FAM47E: variants seen among roughly 807,000 people sequenced by gnomAD.
FAM47E encodes the protein family with sequence similarity 47 member E.
A neutral mutation model predicts 41.6 loss-of-function variants in FAM47E; 32 were observed. The ratio of observed to expected loss-of-function variants is 0.77; its 90% confidence interval spans 0.58 to 1.03. The LOEUF is 1.03. FAM47E is among the 50% of genes least tolerant of loss of function. The pLI is 0.00. For synonymous variants in FAM47E, 184 were observed against 188.7 expected, an observed-to-expected ratio of 0.98 and a Z score of 0.20; for missense variants, 424 against 485.4, an observed-to-expected ratio of 0.87 and a Z score of 1.19.
upstream of FAM47E, chr4:76,251,578 C>T: frequency 1.6e-6 from 2 of 1,282,430 alleles, no homozygotes; most frequent in Non-Finnish European, 2.0e-6. Context: ...GCCAGGTCCA[C>T]GTCCCCAGGC....
chr4:76,220,231 A>G (rs1041318768), intron 2 of FAM47E, among the ~76,000 whole-genome samples: 4 of 152,232 alleles, frequency 2.6e-5, no homozygotes, highest in Admixed American at 1.3e-4. Context: ...AGCATTGTTC[A>G]CAATAGTCAA....
intron 2 of FAM47E, among the ~76,000 whole-genome samples, chr4:76,218,753 G>T (rs890007042): frequency 1.3e-5 from 2 of 152,132 alleles, no homozygotes; most frequent in Admixed American, 1.3e-4. Context: ...AAACACAAGC[G>T]TAGTGTTGTC....
At chr4:76,228,491 A>AT (rs1491129190) in intron 2 of FAM47E, among the ~76,000 whole-genome samples, 1 of 133,688 alleles carries the variant, frequency 7.5e-6, no homozygotes, top group Non-Finnish European at 1.7e-5. Flanking sequence ...AAAAAAAAAA[A>AT]GAAAGAAAGA....
chr4:76,276,563 G>A (rs530337768), intron 5 of FAM47E, among the ~76,000 whole-genome samples: 1 of 146,532 alleles, frequency 6.8e-6, no homozygotes, highest in South Asian at 2.2e-4. Context: ...GTAGAGACAG[G>A]GTTTCACCAG....
chr4:76,267,067 C>T (rs1219455007), intron 3 of FAM47E, among the ~76,000 whole-genome samples: 1 of 152,152 alleles, frequency 6.6e-6, no homozygotes, highest in African/African-American at 2.4e-5. Context: ...TTATAATCAC[C>T]CGGCATATGT....
At chr4:76,267,829 G>T (rs1319534534) in intron 3 of FAM47E, 1 of 152,200 alleles carries the variant, frequency 6.6e-6, no homozygotes, top group East Asian at 1.9e-4. Context: ...GAAATATCCA[G>T]AACAGGCAAA....
chr4:76,260,670 C>G (rs1398295807), intron 2 of FAM47E, among the ~76,000 whole-genome samples: 1 of 152,076 alleles, frequency 6.6e-6, no homozygotes, highest in East Asian at 1.9e-4. Context: ...GAATTTATGA[C>G]TAAGACCTCA....
chr4:76,258,571 A>C (rs556594108), intron 2 of FAM47E, among the ~76,000 whole-genome samples: 2 of 152,330 alleles, frequency 1.3e-5, no homozygotes, highest in Admixed American at 1.3e-4. Flanking sequence ...ATTCCATTCT[A>C]GAGGAAGTAG....
intron 2 of FAM47E, among the ~76,000 whole-genome samples, chr4:76,235,722 C>G (rs1281777029): frequency 6.6e-6 from 1 of 152,228 alleles, no homozygotes; most frequent in Non-Finnish European, 1.5e-5. Flanking sequence ...ACAAAGGAGA[C>G]TCACAAATTC....
At chr4:76,256,569 C>T in intron 2 of FAM47E, 46 bp downstream of exon 2, 1 of 1,481,882 alleles carries the variant, frequency 6.7e-7, no homozygotes, top group East Asian at 2.5e-5. Context: ...TGGGGCCTTG[C>T]AAATAATTCT....
At chr4:76,221,193 C>A (rs4282210) in intron 2 of FAM47E, among the ~76,000 whole-genome samples, 147,250 of 152,342 alleles carry the variant, frequency 0.97, 71,269 homozygotes, top group Non-Finnish European at 0.99. Context: ...CCTCTGGAAC[C>A]GAATCATACA....
rs542289193 is a variant in FAM47E, at chr4:76,266,485, A to T, written c.561-2175A>T. 1.1e-4 allele frequency among the ~76,000 whole-genome samples: 16 copies of T among 152,166 alleles called. 1 individual carries two copies. Among genetic ancestry groups the T allele is most frequent in the South Asian group, 4.1e-4 (2 of 4,830 alleles). ...GCAAATGGTAATGACTTTACTTTTG[A>T]AATGTATCCAGAATCTCACCTTCTC... On this transcript the variant is annotated intron_variant, in intron 3 of 7. Transcript: ENST00000424749.
intron 1 of FAM47E, among the ~76,000 whole-genome samples, chr4:76,255,158 T>G (rs998316644): frequency 2.0e-5 from 3 of 152,170 alleles, no homozygotes; most frequent in Non-Finnish European, 4.4e-5. Context: ...TTATTTATCA[T>G]AAACTCCAGT....
intron 2 of FAM47E, among the ~76,000 whole-genome samples, chr4:76,258,335 G>A (rs1200454726): frequency 1.3e-5 from 2 of 152,168 alleles, no homozygotes; most frequent in Non-Finnish European, 2.9e-5. Context: ...CTATTCCAAA[G>A]TCAGTCACTG....
At chr4:76,247,912 T>C (rs12499892), upstream of FAM47E, among the ~76,000 whole-genome samples, 2,236 of 94,952 alleles carry the variant, frequency 0.024, 15 homozygotes, top group Non-Finnish European at 0.034. Flanking sequence ...CTCTCTCTCT[T>C]TTTTTTTTTT....
upstream of FAM47E, chr4:76,251,641 G>A: frequency 2.2e-6 from 3 of 1,346,354 alleles, no homozygotes; most frequent in Non-Finnish European, 2.8e-6. Flanking sequence ...CCAGGCGCCC[G>A]GGGCAAATAC....
At chr4:76,247,316 C>G (rs1733849357), upstream of FAM47E, among the ~76,000 whole-genome samples, 1 of 152,054 alleles carries the variant, frequency 6.6e-6, no homozygotes, top group South Asian at 2.1e-4. Flanking sequence ...TATGTATATG[C>G]CACATTTTGT....
upstream of FAM47E, among the ~76,000 whole-genome samples, chr4:76,249,121 G>A (rs1015495637): frequency 1.3e-5 from 2 of 151,998 alleles, no homozygotes; most frequent in African/African-American, 2.4e-5. Context: ...CTAGCTACTC[G>A]GGAAGCTGAG....
chr4:76,246,556 CTT>C (rs1472769902), intron 2 of FAM47E, among the ~76,000 whole-genome samples: 2 of 152,110 alleles, frequency 1.3e-5, no homozygotes, highest in South Asian at 2.1e-4. Context: ...TATTGAATAA[CTT>C]ACATAGTAAA....
Sources: gnomAD v4.1 joint callset for allele counts (sites outside exome capture counted in the v4.1 genomes callset) on GRCh38, gnomAD v4.1.1 for gene constraint, MANE v1.5 for transcripts, NCBI Gene and HGNC (gene_info 2026-07-23, HGNC 2026-07-21) for gene names.